Variants in TDRD12 observed in about 807,000 individuals in gnomAD.
TDRD12 encodes the protein putative ATP-dependent RNA helicase TDRD12.
A neutral mutation model predicts 133.5 loss-of-function variants in TDRD12; 158 were observed. That is an observed-to-expected ratio of 1.18 (90% confidence interval 1.04 to 1.35). TDRD12 has a LOEUF of 1.35. TDRD12 is among the 40% of genes most tolerant of loss of function. TDRD12 has a pLI of 0.00. For missense variants in TDRD12, 1,443 were observed against 1,321.3 expected (o/e 1.09, Z -1.43); for synonymous variants, 460 against 477.9 (o/e 0.96, Z 0.49).
rs1966960357 is a variant in TDRD12 at position 32,810,360 on chromosome 19, C to A, written c.2837+83C>A. On this transcript the variant is annotated intron_variant, in intron 23 of 27. Coordinates refer to ENST00000444215, the Ensembl canonical transcript of TDRD12. Reference sequence around the variant, plus strand: ...GTTGAGTTCCGATTTTGACCTCTGTCCATTTGACTGAGTGTGTATGTGAGC... The same window carrying A: ...GTTGAGTTCCGATTTTGACCTCTGTACATTTGACTGAGTGTGTATGTGAGC... 4.3e-6 allele frequency: 5 copies of A among 1,157,614 alleles called. No homozygotes were observed. In the South Asian group the frequency reaches 6.8e-5, roughly 16 times the overall value. The allele number at this position is 1,157,614 out of a possible 1,614,324, so 71.7% of individuals were successfully genotyped here.
rs1970602849 is a variant in TDRD12, at chr19:32,777,028, A to G, written c.1041-121A>G. ...CTTGGCCTCCCGAGTTGCTGGGACT[A>G]TAGGTGCACACCACCATGCCCGGCA... On this transcript the variant is annotated intron_variant, in intron 10 of 27. Transcript: ENST00000444215. 9.3e-6 allele frequency: 6 copies of G among 645,472 alleles called. No individual in the cohort carries two copies. In the East Asian group the frequency reaches 1.5e-4, roughly 16 times the overall value. 40.0% of individuals were successfully genotyped at this position (645,472 alleles called of 1,614,324 possible). A position where few individuals can be genotyped will look rare whatever the true frequency, so the allele number is the denominator to read the frequency against.
chr19:32,818,106 C>T (rs1967245886), exon 27 of TDRD12: 1 of 702,608 alleles, frequency 1.4e-6, no homozygotes, highest in Admixed American at 2.0e-5. Context: ...GTGACAGGGA[C>T]CAGTCCTGCT....
At chr19:32,784,260 G>A (rs1349128268) in intron 11 of TDRD12, among the ~76,000 whole-genome samples, 1 of 152,168 alleles carries the variant, frequency 6.6e-6, no homozygotes, top group Non-Finnish European at 1.5e-5. Context: ...TGTGGTTTTT[G>A]TTGTTGGTTC....
In TDRD12 at chr19:32,745,790, C is replaced by CTGTGTG. The variant is rs10692093; in HGVS notation, c.441-2667_441-2662dup. On this transcript the variant is annotated intron_variant, in intron 4 of 27. Transcript: ENST00000444215. ...GAGAGAGAGACTGGCTGATGTCATT[C>CTGTGTG]TGTGTGTGTGTGTGTGTGTGTGTGA... Among the ~76,000 whole-genome samples, 32 of 94,872 alleles carry CTGTGTG rather than the reference C, an allele frequency of 3.4e-4. 1 individual carries two copies. The highest frequency in any genetic ancestry group is 1.2e-3 in the Admixed American group (10 of 8,582). The allele number at this position is 94,872 out of a possible 152,430, so 62.2% of individuals were successfully genotyped here.
chr19:32,823,827 C>A (rs1967490921), downstream of TDRD12, among the ~76,000 whole-genome samples: 1 of 152,212 alleles, frequency 6.6e-6, no homozygotes, highest in Admixed American at 6.5e-5. Context: ...AGACCGGGAT[C>A]CAGTAGACTG....
exon 16 of TDRD12, chr19:32,798,317 T>C: frequency 6.5e-7 from 1 of 1,531,066 alleles, no homozygotes. Flanking sequence ...GGTGATGTGA[T>C]TGTTACGACC....
At chr19:32,828,835 T>C (rs1967668876) in exon 10 of TDRD12, 1 of 152,134 alleles carries the variant, frequency 6.6e-6, no homozygotes, top group Admixed American at 6.6e-5. Context: ...TTGGGCAGTT[T>C]TTCTGCCCAG....
chr19:32,821,409 T>C (rs1004767109), downstream of TDRD12: 123 of 139,232 alleles, frequency 8.8e-4, no homozygotes, highest in African/African-American at 2.6e-3. Context: ...TGTGTGTGTG[T>C]GCGTGTGAAC....
At chr19:32,721,039 G>C (rs1431079241) in intron 1 of TDRD12, among the ~76,000 whole-genome samples, 1 of 152,032 alleles carries the variant, frequency 6.6e-6, no homozygotes, top group South Asian at 2.1e-4. Flanking sequence ...TCGGCGCCTG[G>C]ACAGGGTCGG....
At chr19:32,816,201 C>A (rs1408528448) in intron 26 of TDRD12, among the ~76,000 whole-genome samples, 1 of 152,084 alleles carries the variant, frequency 6.6e-6, no homozygotes, top group African/African-American at 2.4e-5. Context: ...TTTTTCTTGA[C>A]AAATAACGCA....
At chr19:32,815,672 C>G in intron 26 of TDRD12, 52 bp downstream of exon 26, 2 of 1,472,736 alleles carry the variant, frequency 1.4e-6, no homozygotes, top group Non-Finnish European at 1.8e-6. Flanking sequence ...GGAAATACAA[C>G]TCACAAGTGT....
chr19:32,815,920 G>A (rs1451657564), intron 26 of TDRD12, among the ~76,000 whole-genome samples: 1 of 152,102 alleles, frequency 6.6e-6, no homozygotes, highest in Non-Finnish European at 1.5e-5. Flanking sequence ...CTTGAACCTG[G>A]GAGGCAGAGG....
At chr19:32,762,090 C>A (rs143724610) in intron 8 of TDRD12, among the ~76,000 whole-genome samples, 1 of 152,206 alleles carries the variant, frequency 6.6e-6, no homozygotes, top group Non-Finnish European at 1.5e-5. Context: ...GATAACAATC[C>A]TTTTTTTACA....
At chr19:32,733,559 G>C (rs561188922) in intron 2 of TDRD12, among the ~76,000 whole-genome samples, 2 of 152,146 alleles carry the variant, frequency 1.3e-5, no homozygotes, top group Non-Finnish European at 2.9e-5. Context: ...TGTTTTTCAA[G>C]AATAGGTGTA....
At chr19:32,757,675 T>TG (rs1568462166) in intron 8 of TDRD12, among the ~76,000 whole-genome samples, 1 of 152,150 alleles carries the variant, frequency 6.6e-6, no homozygotes, top group Non-Finnish European at 1.5e-5. Context: ...GATAGGTTCT[T>TG]GGAAACTGAC....
chr19:32,725,685 C>T (rs976218806), intron 1 of TDRD12, among the ~76,000 whole-genome samples: 2 of 151,986 alleles, frequency 1.3e-5, no homozygotes, highest in African/African-American at 2.4e-5. Flanking sequence ...TTAGGAGTGT[C>T]GTGGCTATAT....
At chr19:32,792,074 C>T (rs1365615937) in intron 13 of TDRD12, among the ~76,000 whole-genome samples, 3 of 151,932 alleles carry the variant, frequency 2.0e-5, no homozygotes, top group East Asian at 1.9e-4. Flanking sequence ...GGTGAAACCC[C>T]GTCTCTACTA....
intron 26 of TDRD12, among the ~76,000 whole-genome samples, chr19:32,817,268 C>G (rs1256960432): frequency 6.6e-6 from 1 of 152,106 alleles, no homozygotes; most frequent in Non-Finnish European, 1.5e-5. Flanking sequence ...CTCCATACTC[C>G]TTAAATAATA....
intron 2 of TDRD12, among the ~76,000 whole-genome samples, chr19:32,737,094 T>C (rs1969246557): frequency 2.0e-5 from 3 of 152,232 alleles, no homozygotes; most frequent in Admixed American, 1.3e-4. Flanking sequence ...TTTTATTGAA[T>C]ACTGCACATT....
Sources: gnomAD v4.1 joint callset for allele counts (sites outside exome capture counted in the v4.1 genomes callset) on GRCh38, gnomAD v4.1.1 for gene constraint, MANE v1.5 for transcripts, NCBI Gene and HGNC (gene_info 2026-07-23, HGNC 2026-07-21) for gene names.